ARL15: variants seen among roughly 807,000 people sequenced by gnomAD.
The protein encoded by ARL15 is ADP-ribosylation factor-like protein 15.
A neutral mutation model predicts 25.2 loss-of-function variants in ARL15; 19 were observed. The ratio of observed to expected loss-of-function variants is 0.75; its 90% confidence interval spans 0.53 to 1.10. The LOEUF (loss-of-function observed/expected upper bound fraction) is 1.10, where lower values mean the gene tolerates loss of function less well. Ranked by LOEUF, ARL15 falls within the 50% of genes least tolerant of loss-of-function variation. The pLI, the probability that ARL15 is intolerant of heterozygous loss-of-function variation, is 0.00. For missense variants in ARL15, 220 were observed against 246.0 expected (o/e 0.89, Z 0.71); for synonymous variants, 94 against 86.8 (o/e 1.08, Z -0.46).
intron 3 of ARL15, among the ~76,000 whole-genome samples, chr5:54,141,851 T>A (rs1301724891): frequency 6.6e-6 from 1 of 152,212 alleles, no homozygotes; most frequent in Non-Finnish European, 1.5e-5. Context: ...CTTCTTTCAC[T>A]CAGCATAATT....
intron 1 of ARL15, among the ~76,000 whole-genome samples, chr5:54,290,907 G>A (rs1758304738): frequency 6.6e-6 from 1 of 151,958 alleles, no homozygotes; most frequent in South Asian, 2.1e-4. Context: ...ACTTCTTTGG[G>A]CATGATACCT....
At chr5:54,137,687 C>A (rs1753645488) in intron 3 of ARL15, among the ~76,000 whole-genome samples, 1 of 152,036 alleles carries the variant, frequency 6.6e-6, no homozygotes, top group Admixed American at 6.6e-5. Flanking sequence ...TTTCTTTGTT[C>A]TTTTGTTCCT....
chr5:54,277,676 C>G (rs556962096), intron 1 of ARL15, among the ~76,000 whole-genome samples: 1 of 151,866 alleles, frequency 6.6e-6, no homozygotes, highest in African/African-American at 2.4e-5. Context: ...GGCGTGAACC[C>G]GGGAGGCAGA....
At chr5:54,105,737 C>G (rs1752570840) in intron 4 of ARL15, among the ~76,000 whole-genome samples, 1 of 152,124 alleles carries the variant, frequency 6.6e-6, no homozygotes. Context: ...GGCGCGCCAC[C>G]ATGCCCAGCT....
Position 54,236,669 on chromosome 5 carries a change from T to C in ARL15, c.49-64741A>G, listed in dbSNP as rs547657544. 2.2e-4 allele frequency among the ~76,000 whole-genome samples: 33 copies of C among 152,368 alleles called. 1 individual carries two copies. The South Asian group carries it at 3.7e-3, about 17-fold the overall frequency. On this transcript the variant is annotated intron_variant, in intron 1 of 4. Transcript: ENST00000504924. Reference sequence around the variant, plus strand: ...GTGAAATTCTACTGGTCCTTTATAATGTGCCAGTGTTTCACTCTCTAATCA... The same window carrying C: ...GTGAAATTCTACTGGTCCTTTATAACGTGCCAGTGTTTCACTCTCTAATCA...
chr5:54,018,223 A>C (rs532511018), intron 4 of ARL15, among the ~76,000 whole-genome samples: 1 of 152,128 alleles, frequency 6.6e-6, no homozygotes, highest in African/African-American at 2.4e-5. Flanking sequence ...TTTTCTGTGA[A>C]TTTCACTTTA....
chr5:54,198,294 G>C (rs369900279), intron 1 of ARL15, among the ~76,000 whole-genome samples: 5 of 152,066 alleles, frequency 3.3e-5, no homozygotes. Context: ...AGTTCTGGCC[G>C]GGGCAATCAG....
chr5:54,194,357 A>AC (rs768831532), intron 1 of ARL15, among the ~76,000 whole-genome samples: 40 of 152,066 alleles, frequency 2.6e-4, no homozygotes, highest in Non-Finnish European at 4.0e-4. Flanking sequence ...AAGGCTCCTC[A>AC]CCTCTCCATC....
At chr5:54,172,957 G>T (rs891367410) in intron 1 of ARL15, among the ~76,000 whole-genome samples, 2 of 152,046 alleles carry the variant, frequency 1.3e-5, no homozygotes, top group African/African-American at 4.8e-5. Flanking sequence ...AGTGGCTCAG[G>T]CCTGTAATCC....
At chr5:54,044,578 T>G (rs961423277) in intron 4 of ARL15, among the ~76,000 whole-genome samples, 1 of 152,116 alleles carries the variant, frequency 6.6e-6, no homozygotes, top group African/African-American at 2.4e-5. Context: ...ACATTTTGAA[T>G]TTAAAAAAAG....
intron 1 of ARL15, among the ~76,000 whole-genome samples, chr5:54,240,055 A>G (rs958759057): frequency 1.3e-5 from 2 of 151,828 alleles, no homozygotes; most frequent in Middle Eastern, 6.3e-3. Context: ...GTGAAACCCC[A>G]TCTCTACTAA....
chr5:54,139,240 A>G (rs954870853), intron 3 of ARL15, among the ~76,000 whole-genome samples: 1 of 152,196 alleles, frequency 6.6e-6, no homozygotes, highest in Non-Finnish European at 1.5e-5. Context: ...ACAATCCACA[A>G]CTGCAAAGAT....
chr5:53,992,971 G>A (rs561343237), intron 4 of ARL15, among the ~76,000 whole-genome samples: 27 of 152,182 alleles, frequency 1.8e-4, no homozygotes, highest in African/African-American at 5.3e-4. Flanking sequence ...GCTTGAACCC[G>A]GGAGGTGGAA....
intron 4 of ARL15, among the ~76,000 whole-genome samples, chr5:54,051,640 A>G (rs1750704356): frequency 1.3e-5 from 2 of 152,214 alleles, no homozygotes; most frequent in African/African-American, 4.8e-5. Context: ...GTTTGCTAAA[A>G]TAGCTAAAAT....
At chr5:53,926,029 AC>A (rs1746013689) in intron 4 of ARL15, among the ~76,000 whole-genome samples, 2 of 138,308 alleles carry the variant, frequency 1.4e-5, no homozygotes, top group African/African-American at 2.8e-5. Context: ...TACTAACTAT[AC>A]ACTGAAATAA....
chr5:54,126,500 T>G (rs1316415854), intron 3 of ARL15, among the ~76,000 whole-genome samples: 1 of 152,348 alleles, frequency 6.6e-6, no homozygotes, highest in East Asian at 1.9e-4. Flanking sequence ...CCAGTGTAAT[T>G]GCCAAGCTCT....
intron 4 of ARL15, among the ~76,000 whole-genome samples, chr5:53,946,888 A>T (rs993747609): frequency 2.0e-5 from 3 of 152,202 alleles, no homozygotes; most frequent in African/African-American, 4.8e-5. Context: ...GGAGAAGAAA[A>T]GGGAAATGAG....
At chr5:54,245,477 C>T (rs1757064204) in intron 1 of ARL15, among the ~76,000 whole-genome samples, 2 of 152,178 alleles carry the variant, frequency 1.3e-5, no homozygotes, top group South Asian at 4.1e-4. Flanking sequence ...GCTTGGTGAT[C>T]TGGACTCAGG....
At chr5:54,143,800 C>T (rs971730221) in intron 3 of ARL15, among the ~76,000 whole-genome samples, 21 of 151,870 alleles carry the variant, frequency 1.4e-4, no homozygotes, top group African/African-American at 2.4e-4. Flanking sequence ...ACTCTTACTC[C>T]GTTCCCTAAG....
Sources: allele counts gnomAD v4.1 joint callset (sites outside exome capture counted in the v4.1 genomes callset), GRCh38; gene constraint gnomAD v4.1.1; transcripts MANE v1.5; gene names NCBI Gene and HGNC (gene_info 2026-07-23, HGNC 2026-07-21).